CEP95: variants seen among roughly 807,000 people sequenced by gnomAD.
CEP95 encodes centrosomal protein 95.
CEP95 carries 98 observed loss-of-function variants against 111.2 expected under a neutral mutation model. The ratio of observed to expected loss-of-function variants is 0.88; its 90% CI spans 0.75 to 1.04. The LOEUF is 1.04. CEP95 is among the 50% of genes least tolerant of loss of function. CEP95 has a pLI of 0.00. For synonymous variants in CEP95, 323 were observed against 327.1 expected, an observed-to-expected ratio of 0.99 and a Z score of 0.14; for missense variants, 1,027 against 977.2, an observed-to-expected ratio of 1.05 and a Z score of -0.68.
intron 10 of CEP95, among the ~76,000 whole-genome samples, chr17:64,526,718 T>C (rs533520161): frequency 6.6e-6 from 1 of 152,288 alleles, no homozygotes; most frequent in African/African-American, 2.4e-5. Flanking sequence ...TCCAACACTT[T>C]GAGAGGCTGA....
At position 64,527,188 on chromosome 17, in the gene CEP95, A is replaced by G. The variant is rs782781020; in HGVS notation, c.1230A>G (p.Val410=). The part of the protein sequence containing the change: ...HKEENTGNEE[V]EDGTEETLSQ... ...AAGAAAATACTGGAAATGAGGAGGTAGAGGATGGAACTGAGGAGACACTGT... is the reference window on the plus strand; with the variant it reads ...AAGAAAATACTGGAAATGAGGAGGTGGAGGATGGAACTGAGGAGACACTGT... The change falls in exon 11 of 20, where the codon GTA becomes GTG. Residue 410 remains valine (V), a synonymous_variant. Transcript: ENST00000556440. 2 of 1,613,782 alleles carry G rather than the reference A, an allele frequency of 1.2e-6. No homozygotes were observed. The highest frequency in any genetic ancestry group is 1.7e-4 in the Middle Eastern group (1 of 6,042).
At chr17:64,530,564 A>G (rs115288820) in intron 12 of CEP95, among the ~76,000 whole-genome samples, 5,414 of 148,800 alleles carry the variant, frequency 0.036, 344 homozygotes, top group African/African-American at 0.13. Context: ...GCTGGAGTGC[A>G]ATGGCATAAT....
intron 12 of CEP95, among the ~76,000 whole-genome samples, 190 bp downstream of exon 12, chr17:64,529,617 T>TA (rs1235426816): frequency 1.3e-5 from 2 of 152,026 alleles, no homozygotes; most frequent in South Asian, 2.1e-4. Context: ...ATGAAACTCT[T>TA]AAAAAAAATA....
intron 10 of CEP95, among the ~76,000 whole-genome samples, chr17:64,526,495 C>T (rs1428609109): frequency 2.0e-5 from 3 of 152,138 alleles, no homozygotes; most frequent in Non-Finnish European, 2.9e-5. Context: ...TATAGTTCCC[C>T]TTTGCCGCTA....
chr17:64,509,324 G>T (rs905582322), intron 2 of CEP95, among the ~76,000 whole-genome samples: 1 of 152,190 alleles, frequency 6.6e-6, no homozygotes, highest in Non-Finnish European at 1.5e-5. Flanking sequence ...GAGCCACCAC[G>T]TCCAGCCTGT....
In CEP95 at chr17:64,534,700, G is replaced by C; in HGVS notation, c.2033G>C (p.Cys678Ser). The C allele has an allele frequency of 6.2e-7, 1 of 1,613,018 alleles. No individual in the cohort carries two copies. The highest frequency in any genetic ancestry group is 8.5e-7 in the Non-Finnish European group (1 of 1,179,422). ...TATGATGATTATAGAGTTCAGTTGT[G>C]TGCAAAAATGATGAGAATGAGGACC... ...KYYDDYRVQL[C>S]AKMMRMRTRE... The change falls in exon 17 of 20, where the codon TGT becomes TCT. Residue 678 changes from cysteine to serine, a missense_variant. Cys to Ser is a moderately radical substitution (Grantham distance 112, BLOSUM62 -1). Coordinates refer to ENST00000556440, the MANE Select transcript of CEP95 (RefSeq NM_138363.3).
intron 11 of CEP95, among the ~76,000 whole-genome samples, chr17:64,527,850 TAATGTG>T (rs1443336824): frequency 4.3e-5 from 6 of 139,804 alleles, no homozygotes; most frequent in African/African-American, 1.7e-4. Flanking sequence ...GTGTGCCACT[TAATGTG>T]TGTGTGTGTG....
chr17:64,532,268 C>T lies in CEP95; in HGVS notation c.1672+246C>T, dbSNP rs531774963. ...CCAGGACTGCCACCTGCTGCTCCAG[C>T]GTTAGCCTCACTCGTGTGCTTACTC... On this transcript the variant is annotated intron_variant, in intron 14 of 19. Transcript: ENST00000556440. 26 of 1,223,496 alleles carry T rather than the reference C, an allele frequency of 2.1e-5. No individual in the cohort carries two copies. The East Asian group carries it at 3.2e-4, about 15-fold the overall frequency. The allele number at this position is 1,223,496 out of a possible 1,614,324, so 75.8% of individuals were successfully genotyped here.
Position 64,529,706 on chromosome 17 carries a change from T to C in CEP95, c.1446+279T>C, listed in dbSNP as rs551849189. On this transcript the variant is annotated intron_variant, in intron 12 of 19. Coordinates refer to ENST00000556440, the MANE Select transcript of CEP95 (RefSeq NM_138363.3). The stretch of plus-strand genomic sequence containing the variant: ...GTGAGTTGTTATTTTCAGAGTGAGC[T>C]TCAGAGATGAAGGGAATTTGAGGTG... 2.6e-5 allele frequency among the ~76,000 whole-genome samples: 4 copies of C among 152,202 alleles called. No homozygotes were observed. The East Asian group carries it at 7.7e-4, about 29-fold the overall frequency.
At chr17:64,510,099 G>C (rs1271961076) in intron 2 of CEP95, 74 bp from the exon 3 acceptor site, 4 of 777,210 alleles carry the variant, frequency 5.1e-6, no homozygotes, top group Non-Finnish European at 6.8e-6. Flanking sequence ...ATATTCAGTA[G>C]CCTAGTCAGA....
chr17:64,519,271 A>G (rs1309697950), intron 5 of CEP95, 50 bp from the exon 6 acceptor site: 2 of 1,258,814 alleles, frequency 1.6e-6, no homozygotes, highest in African/African-American at 1.5e-5. Context: ...CCTCAGGGGA[A>G]GGGCCCTCTG....
chr17:64,515,954 T>G (rs2039116994), intron 4 of CEP95: 1 of 152,238 alleles, frequency 6.6e-6, no homozygotes, highest in African/African-American at 2.4e-5. Context: ...TGATGGCAGC[T>G]CTCTAAGCCT....
At chr17:64,507,903 T>G (rs1555673525) in intron 1 of CEP95, 2 of 985,338 alleles carry the variant, frequency 2.0e-6, no homozygotes, top group Non-Finnish European at 2.4e-6. Flanking sequence ...CAGAAACCGT[T>G]AAACTTTGCA....
chr17:64,537,124 G>C lies in CEP95; in HGVS notation c.2289+12G>C. 6.2e-7 allele frequency: 1 copy of C among 1,609,416 alleles called. No individual in the cohort carries two copies. Among genetic ancestry groups the C allele is most frequent in the East Asian group, 2.2e-5 (1 of 44,686 alleles). ...AATCTCAGGCCCAGGTAATAATTAA[G>C]ATAGAAGCCAAGTCATGCACTGCAT... On this transcript the variant is annotated intron_variant, in intron 19 of 19. Coordinates refer to ENST00000556440, the MANE Select transcript of CEP95 (RefSeq NM_138363.3).
intron 16 of CEP95, chr17:64,533,987 T>C (rs1315365837): frequency 2.0e-5 from 3 of 152,294 alleles, no homozygotes; most frequent in Admixed American, 6.5e-5. Flanking sequence ...TCAGAAACAA[T>C]CTGCCAAAGG....
At position 64,527,209 on chromosome 17, in the gene CEP95, A is replaced by T; in HGVS notation, c.1251A>T (p.Thr417=). The T allele has an allele frequency of 1.9e-6, 3 of 1,613,838 alleles. No individual in the cohort carries two copies. The highest frequency in any genetic ancestry group is 2.2e-5 in the South Asian group (2 of 91,056). Reference sequence around the variant, plus strand: ...AGGTAGAGGATGGAACTGAGGAGACACTGTCTCAGCACAGTGATGGCATCG... The same window carrying T: ...AGGTAGAGGATGGAACTGAGGAGACTCTGTCTCAGCACAGTGATGGCATCG... ...NEEVEDGTEE[T]LSQHSDGIVE... is the part of the protein sequence containing the mutation. The change falls in exon 11 of 20, where the codon ACA becomes ACT. Residue 417 remains threonine (T), a synonymous_variant. Transcript: ENST00000556440.
chr17:64,518,739 GGT>G (rs1967074304), intron 5 of CEP95, among the ~76,000 whole-genome samples: 1 of 151,860 alleles, frequency 6.6e-6, no homozygotes, highest in Non-Finnish European at 1.5e-5. Context: ...GGAGTGCAGT[GGT>G]GCAATCTCGG....
chr17:64,507,319 G>C, intron 1 of CEP95: 1 of 1,442,578 alleles, frequency 6.9e-7, no homozygotes, highest in Non-Finnish European at 9.1e-7. Flanking sequence ...AGTATGCTGT[G>C]GGAGAGAGAG....
At chr17:64,515,113 G>A (rs1454317601) in intron 4 of CEP95, among the ~76,000 whole-genome samples, 6 of 152,056 alleles carry the variant, frequency 3.9e-5, no homozygotes, top group Non-Finnish European at 8.8e-5. Flanking sequence ...AAACTGGGAG[G>A]GAAAATTGAA....
Sources: gnomAD v4.1 joint callset for allele counts (sites outside exome capture counted in the v4.1 genomes callset) on GRCh38, gnomAD v4.1.1 for gene constraint, MANE v1.5 for transcripts, NCBI Gene and HGNC (gene_info 2026-07-23, HGNC 2026-07-21) for gene names.